GLIS3: variants seen among roughly 807,000 people sequenced by gnomAD.
GLIS3 encodes GLIS family zinc finger 3, also known as zinc finger protein GLIS3.
GLIS3 carries 53 observed loss-of-function variants against 78.6 expected under a neutral mutation model. The observed-to-expected ratio is 0.67, with a 90% CI of 0.54 to 0.85. GLIS3 has a LOEUF of 0.85. GLIS3 is among the 40% of genes least tolerant of loss of function. The pLI, the probability that GLIS3 is intolerant of heterozygous loss-of-function variation, is 0.00. For synonymous variants in GLIS3, 684 were observed against 509.9 expected (o/e 1.34, Z -4.60); for missense variants, 1,703 against 1,231.1 (o/e 1.38, Z -5.74).
chr9:4,064,639 T>TA lies in GLIS3; in HGVS notation c.1710+53128dup, dbSNP rs1200445276. On this transcript the variant is annotated intron_variant, in intron 4 of 10. Transcript: ENST00000381971. ...ACCTTGTGTCTACTAAAAATATTAT[T>TA]AAAAAAATGCCTGGTGTTGTGGCGC... is the stretch of plus-strand genomic sequence containing the variant. 7.9e-5 allele frequency among the ~76,000 whole-genome samples: 12 copies of TA among 152,114 alleles called. No homozygotes were observed. In the East Asian group the frequency reaches 1.5e-3, roughly 20 times the overall value.
the GLIS3 span, among the ~76,000 whole-genome samples, chr9:4,394,568 T>G: frequency 6.6e-6 from 1 of 152,200 alleles, no homozygotes; most frequent in East Asian, 1.9e-4. Flanking sequence ...GGAAGGAAAA[T>G]TTACCTGTAA....
At chr9:4,001,488 C>T (rs1002099639) in intron 4 of GLIS3, among the ~76,000 whole-genome samples, 2 of 152,242 alleles carry the variant, frequency 1.3e-5, no homozygotes, top group Middle Eastern at 3.4e-3. Flanking sequence ...CAAACAATAA[C>T]ACAAGACAAG....
chr9:4,379,558 C>A, the GLIS3 span, among the ~76,000 whole-genome samples: 2 of 152,284 alleles, frequency 1.3e-5, no homozygotes, highest in East Asian at 3.9e-4. Flanking sequence ...GATGAGATTT[C>A]AGGATCTGGG....
At chr9:3,924,371 T>G (rs919856095) in intron 6 of GLIS3, among the ~76,000 whole-genome samples, 2 of 152,166 alleles carry the variant, frequency 1.3e-5, no homozygotes, top group Non-Finnish European at 2.9e-5. Flanking sequence ...TTCAAGCTAG[T>G]TGCCAAGAAG....
At chr9:4,256,735 A>G (rs1427381426) in intron 2 of GLIS3, among the ~76,000 whole-genome samples, 1 of 152,266 alleles carries the variant, frequency 6.6e-6, no homozygotes, top group African/African-American at 2.4e-5. Context: ...AGAATGAGTA[A>G]TTACACAGTA....
chr9:4,489,725 C>T, the GLIS3 span, among the ~76,000 whole-genome samples: 1 of 152,170 alleles, frequency 6.6e-6, no homozygotes, highest in Non-Finnish European at 1.5e-5. Flanking sequence ...GTTCTCAGTT[C>T]TAATCACTGC....
chr9:4,438,104 G>A, the GLIS3 span, among the ~76,000 whole-genome samples: 2 of 152,212 alleles, frequency 1.3e-5, no homozygotes, highest in Admixed American at 1.3e-4. Context: ...AATAACCCAA[G>A]AAACCTAACT....
At chr9:4,467,549 A>T in the GLIS3 span, among the ~76,000 whole-genome samples, 2 of 152,206 alleles carry the variant, frequency 1.3e-5, no homozygotes, top group African/African-American at 4.8e-5. Context: ...GCAAACTCCA[A>T]AGGATCTGCA....
Position 4,118,634 on chromosome 9 carries a change from G to C in GLIS3, c.844C>G (p.Pro282Ala), listed in dbSNP as rs143051164. 1.9e-3 allele frequency: 3,122 copies of C among 1,614,206 alleles called. 3 individuals are homozygous for C. Among genetic ancestry groups the C allele is most frequent in the Non-Finnish European group, 2.4e-3 (2,865 of 1,180,036 alleles). ...GATGAGTGCCGAGGACTAGGGTAAG[G>C]AGAGTGGCTACTTTCCGTGCCAAAA... ...YLFGTESSHS[P>A]YPSPRHSSTR... The change falls in exon 4 of 11, where the codon CCT (proline) becomes GCT (alanine). Residue 282 changes from proline (P) to alanine (A), a missense_variant. By Grantham distance (27) the Pro-to-Ala change is conservative (BLOSUM62 -1). Coordinates refer to ENST00000381971, the MANE Select transcript of GLIS3 (RefSeq NM_001042413.2). This position sits in a 1 kb window ranked among gnomAD's most constrained non-coding sequence, Gnocchi z 4.7.
intron 2 of GLIS3, among the ~76,000 whole-genome samples, chr9:4,257,438 G>A (rs1295029653): frequency 2.6e-5 from 4 of 152,154 alleles, no homozygotes; most frequent in Non-Finnish European, 4.4e-5. Flanking sequence ...ATATTGTATT[G>A]CATATTGGTA....
intron 4 of GLIS3, among the ~76,000 whole-genome samples, chr9:3,946,692 T>G (rs1443332224): frequency 6.6e-6 from 1 of 152,214 alleles, no homozygotes; most frequent in Non-Finnish European, 1.5e-5. Context: ...AGTGAGCTGT[T>G]TTCCTACCAC....
At chr9:3,971,714 T>C (rs971022055) in intron 4 of GLIS3, among the ~76,000 whole-genome samples, 2 of 152,216 alleles carry the variant, frequency 1.3e-5, no homozygotes, top group Non-Finnish European at 2.9e-5. Context: ...CATTTACACT[T>C]AAGCCTCTAA....
At chr9:4,469,940 T>C in the GLIS3 span, among the ~76,000 whole-genome samples, 1 of 151,888 alleles carries the variant, frequency 6.6e-6, no homozygotes, top group Non-Finnish European at 1.5e-5. Context: ...TAGAAAATGA[T>C]AAAGGGGATA....
At chr9:4,302,580 T>G (rs535124779), upstream of GLIS3, among the ~76,000 whole-genome samples, 5 of 152,330 alleles carry the variant, frequency 3.3e-5, no homozygotes, top group African/African-American at 1.2e-4. Flanking sequence ...AATTCTCAAA[T>G]CAAATGTATG....
At chr9:4,135,299 G>C (rs1833322067) in intron 2 of GLIS3, among the ~76,000 whole-genome samples, 1 of 152,090 alleles carries the variant, frequency 6.6e-6, no homozygotes, top group Non-Finnish European at 1.5e-5. Context: ...GTTATAAAAA[G>C]AAAAAGCTCA....
chr9:3,942,672 A>C (rs1816013530), intron 4 of GLIS3, among the ~76,000 whole-genome samples: 1 of 152,362 alleles, frequency 6.6e-6, no homozygotes. Context: ...CAGGCTTCCC[A>C]GCTTCACCTA....
chr9:4,467,281 T>C, the GLIS3 span, among the ~76,000 whole-genome samples: 14 of 151,766 alleles, frequency 9.2e-5, no homozygotes, highest in Non-Finnish European at 4.4e-5. Flanking sequence ...TTGAAGAGAG[T>C]GGTGGTTCTC....
chr9:3,954,232 G>C (rs567547608), intron 4 of GLIS3, among the ~76,000 whole-genome samples: 4 of 152,292 alleles, frequency 2.6e-5, no homozygotes, highest in African/African-American at 9.6e-5. Context: ...TGAGGCACCA[G>C]GGAGAAATCT....
the GLIS3 span, among the ~76,000 whole-genome samples, chr9:4,456,228 C>T: frequency 1.3e-5 from 2 of 152,170 alleles, no homozygotes; most frequent in Non-Finnish European, 2.9e-5. Context: ...TGTTAATGAT[C>T]ATGTGAGCCC....
Sources: allele counts gnomAD v4.1 joint callset (sites outside exome capture counted in the v4.1 genomes callset), GRCh38; gene constraint gnomAD v4.1.1; non-coding constraint Gnocchi (gnomAD v3.1); transcripts MANE v1.5; gene names NCBI Gene and HGNC (gene_info 2026-07-23, HGNC 2026-07-21).